Variants in ADSL observed in about 807,000 individuals in gnomAD.
ADSL encodes adenylosuccinase.
ADSL carries 44 observed loss-of-function variants against 62.1 expected under a neutral mutation model. That is an observed-to-expected ratio of 0.71 (90% CI 0.56 to 0.91). The LOEUF is 0.91. ADSL is among the 40% of genes least tolerant of loss of function. The pLI is 0.00. For synonymous variants in ADSL, 198 were observed against 220.5 expected, an observed-to-expected ratio of 0.90 and a Z score of 0.90; for missense variants, 531 against 627.4, an observed-to-expected ratio of 0.85 and a Z score of 1.64.
intron 4 of ADSL, among the ~76,000 whole-genome samples, chr22:40,357,423 T>A (rs1024389582): frequency 7.3e-5 from 11 of 151,668 alleles, no homozygotes; most frequent in East Asian, 3.9e-4. Flanking sequence ...CTGGCTAATT[T>A]TGTATTTTTA....
Position 40,366,292 on chromosome 22 carries a change from T to C in ADSL, c.1369-144T>C, listed in dbSNP as rs2045003144. 7.4e-6 allele frequency: 5 copies of C among 680,156 alleles called. No individual in the cohort carries two copies. The East Asian group carries it at 1.1e-4, about 15-fold the overall frequency. The allele number at this position is 680,156 out of a possible 1,614,324, so 42.1% of individuals were successfully genotyped here. Reference sequence around the variant, plus strand: ...TCTGTGTCTAGGCAGAAATTCCTGATAGGCAGTTGAGGAAAACAAGCTCAG... The same window carrying C: ...TCTGTGTCTAGGCAGAAATTCCTGACAGGCAGTTGAGGAAAACAAGCTCAG... On this transcript the variant is annotated intron_variant, in intron 12 of 12. Transcript: ENST00000623063.
chr22:40,376,409 C>G (rs2046607271), intron 2 of ADSL: 1 of 151,918 alleles, frequency 6.6e-6, no homozygotes, highest in Non-Finnish European at 1.5e-5. Flanking sequence ...CTGCTTTAAT[C>G]TCATGAGTTG....
chr22:40,370,868 G>T (rs377461288), downstream of ADSL, among the ~76,000 whole-genome samples: 25 of 152,262 alleles, frequency 1.6e-4, no homozygotes, highest in East Asian at 9.7e-4. Flanking sequence ...TCGCGTCGCC[G>T]TTGGAATGGG....
At chr22:40,362,253 G>T (rs926913217) in intron 9 of ADSL, among the ~76,000 whole-genome samples, 1 of 152,158 alleles carries the variant, frequency 6.6e-6, no homozygotes, top group South Asian at 2.1e-4. Flanking sequence ...TCGCCTGCTC[G>T]CATTTTGCTG....
chr22:40,355,453 C>T (rs909124105), intron 4 of ADSL, among the ~76,000 whole-genome samples: 10 of 152,252 alleles, frequency 6.6e-5, no homozygotes, highest in African/African-American at 1.4e-4. Flanking sequence ...CCACCGCGCC[C>T]GGCCTAGACA....
chr22:40,360,542 G>A, intron 7 of ADSL, 50 bp downstream of exon 7: 1 of 1,315,356 alleles, frequency 7.6e-7, no homozygotes, highest in Non-Finnish European at 1.1e-6. Context: ...GGGCACCACA[G>A]ACAGACTGAA....
At chr22:40,378,556 C>G (rs2047034054) in intron 2 of ADSL, among the ~76,000 whole-genome samples, 1 of 151,348 alleles carries the variant, frequency 6.6e-6, no homozygotes, top group Non-Finnish European at 1.5e-5. Context: ...TGGCGAAACC[C>G]CATCTCTACT....
intron 2 of ADSL, among the ~76,000 whole-genome samples, chr22:40,352,308 A>T (rs2044376899): frequency 6.6e-6 from 1 of 152,082 alleles, no homozygotes; most frequent in Admixed American, 6.5e-5. Flanking sequence ...TGGGCGGATC[A>T]TGAGGTCAGG....
chr22:40,362,151 CAG>C (rs2044816325), intron 9 of ADSL, among the ~76,000 whole-genome samples: 2 of 152,118 alleles, frequency 1.3e-5, no homozygotes, highest in South Asian at 2.1e-4. Flanking sequence ...TGAGATGAGT[CAG>C]AAATAATTTG....
At chr22:40,384,064 G>T (rs970943576) in intron 2 of ADSL, among the ~76,000 whole-genome samples, 1 of 152,088 alleles carries the variant, frequency 6.6e-6, no homozygotes, top group African/African-American at 2.4e-5. Context: ...TCCTGGGCAA[G>T]ATAGTAGGAC....
intron 11 of ADSL, 73 bp downstream of exon 11, chr22:40,364,438 A>G: frequency 7.7e-7 from 1 of 1,301,372 alleles, no homozygotes; most frequent in Non-Finnish European, 1.1e-6. Flanking sequence ...CGTGAAGGAG[A>G]GCAGATGAAG....
downstream of ADSL, among the ~76,000 whole-genome samples, chr22:40,373,816 A>T (rs2046034706): frequency 6.6e-6 from 1 of 151,974 alleles, no homozygotes; most frequent in Non-Finnish European, 1.5e-5. Flanking sequence ...AGGTTTCACC[A>T]TGTTGGCCAG....
intron 4 of ADSL, among the ~76,000 whole-genome samples, chr22:40,358,458 C>T (rs2044650032): frequency 6.6e-6 from 1 of 152,132 alleles, no homozygotes; most frequent in African/African-American, 2.4e-5. Flanking sequence ...GTATTGCATG[C>T]CTGTGGTCCC....
At chr22:40,371,453 C>T (rs1216661076), downstream of ADSL, among the ~76,000 whole-genome samples, 1 of 152,106 alleles carries the variant, frequency 6.6e-6, no homozygotes, top group Non-Finnish European at 1.5e-5. Flanking sequence ...CTACACCTTT[C>T]TTATTCTTTC....
intron 4 of ADSL, among the ~76,000 whole-genome samples, chr22:40,356,640 T>C (rs1017822733): frequency 6.7e-6 from 1 of 150,344 alleles, no homozygotes; most frequent in East Asian, 2.0e-4. Context: ...AGGCATGGAG[T>C]TCGAGACCAG....
chr22:40,376,716 G>A (rs1038917400), intron 2 of ADSL, among the ~76,000 whole-genome samples: 3 of 151,964 alleles, frequency 2.0e-5, no homozygotes, highest in African/African-American at 7.3e-5. Flanking sequence ...AAGATTGGTG[G>A]AGTCAGGATT....
rs1026327273 is a variant in ADSL at position 40,368,929 on chromosome 22, A to C, written c.*2407A>C. 13 of 152,240 alleles carry C rather than the reference A, an allele frequency of 8.5e-5. No homozygotes were observed. The highest frequency in any genetic ancestry group is 7.9e-4 in the Admixed American group (12 of 15,272). 9.4% of individuals were successfully genotyped at this position (152,240 alleles called of 1,614,324 possible). A position where few individuals can be genotyped will look rare whatever the true frequency, so the allele number is the denominator to read the frequency against. ...ACGGAGCGAGACTCCATCTGAAAAA[A>C]CAAAACAGAAAAAATCTTGAAAGGA... On this transcript the variant is annotated 3_prime_UTR_variant, in exon 13 of 13. Coordinates refer to ENST00000623063, the MANE Select transcript of ADSL (RefSeq NM_000026.4).
chr22:40,386,815 A>G (rs2048538815), intron 2 of ADSL, among the ~76,000 whole-genome samples: 1 of 151,882 alleles, frequency 6.6e-6, no homozygotes, highest in African/African-American at 2.4e-5. Context: ...TTTGCCCTGC[A>G]CCCCAGTACT....
Position 40,367,670 on chromosome 22 carries a change from C to T in ADSL, c.*1148C>T, listed in dbSNP as rs968336513. 1.1e-4 allele frequency: 18 copies of T among 167,004 alleles called. No individual in the cohort carries two copies. The highest frequency in any genetic ancestry group is 8.8e-5 in the Non-Finnish European group (6 of 68,130). The allele number at this position is 167,004 out of a possible 1,614,324, so 10.3% of individuals were successfully genotyped here. Reference sequence around the variant, plus strand: ...GTTAATTACCTACCTGCCAGGAGAGCACTAGTGTTATTTAGCCCATTCTCA... The same window carrying T: ...GTTAATTACCTACCTGCCAGGAGAGTACTAGTGTTATTTAGCCCATTCTCA... On this transcript the variant is annotated 3_prime_UTR_variant, in exon 13 of 13. Transcript: ENST00000623063.
Sources: gnomAD v4.1 joint callset for allele counts (sites outside exome capture counted in the v4.1 genomes callset) on GRCh38, gnomAD v4.1.1 for gene constraint, MANE v1.5 for transcripts, NCBI Gene and HGNC (gene_info 2026-07-23, HGNC 2026-07-21) for gene names.